Variants in SLC39A12 observed in about 807,000 individuals in gnomAD.
SLC39A12 encodes the protein solute carrier family 39 member 12.
In SLC39A12, 63 loss-of-function variants were observed where a neutral mutation model predicts 71.1. The ratio of observed to expected loss-of-function variants is 0.89; its 90% confidence interval spans 0.72 to 1.09. The LOEUF is 1.09. Ranked by LOEUF, SLC39A12 falls within the 50% of genes least tolerant of loss-of-function variation. The pLI is 0.00. For synonymous variants in SLC39A12, 351 were observed against 301.3 expected, an observed-to-expected ratio of 1.16 and a Z score of -1.71; for missense variants, 892 against 812.6, an observed-to-expected ratio of 1.10 and a Z score of -1.19.
At chr10:18,018,676 A>T (rs1018882463) in intron 12 of SLC39A12, among the ~76,000 whole-genome samples, 3 of 152,148 alleles carry the variant, frequency 2.0e-5, no homozygotes, top group Non-Finnish European at 4.4e-5. Context: ...GTGATGGATT[A>T]TGTTAACTGA....
chr10:18,005,678 CTAAGTA>C (rs2130851180), intron 12 of SLC39A12: 1 of 152,318 alleles, frequency 6.6e-6, no homozygotes, highest in East Asian at 1.9e-4. Context: ...GAACCCTAAG[CTAAGTA>C]TGTCATTTTC....
chr10:18,031,540 G>A (rs1836848292), intron 12 of SLC39A12, among the ~76,000 whole-genome samples: 1 of 120,932 alleles, frequency 8.3e-6, no homozygotes, highest in South Asian at 2.8e-4. Flanking sequence ...TATAGATTCT[G>A]GATATTAGCC....
intron 5 of SLC39A12, among the ~76,000 whole-genome samples, chr10:17,979,465 AT>A (rs2130806314): frequency 6.6e-6 from 1 of 152,270 alleles, no homozygotes; most frequent in African/African-American, 2.4e-5. Context: ...CCAGTCAGGC[AT>A]TTTCTGATAG....
chr10:17,955,054 A>G (rs1834505927), intron 2 of SLC39A12, among the ~76,000 whole-genome samples: 1 of 152,256 alleles, frequency 6.6e-6, no homozygotes, highest in Non-Finnish European at 1.5e-5. Context: ...AATAACCAGA[A>G]GTCATCTCTT....
chr10:17,998,580 G>C (rs924250327), intron 10 of SLC39A12, among the ~76,000 whole-genome samples: 16 of 152,114 alleles, frequency 1.1e-4, no homozygotes, highest in African/African-American at 3.9e-4. Context: ...TTGTTCTTAT[G>C]GCTGTTGCCT....
chr10:17,977,846 G>C, intron 4 of SLC39A12, 56 bp from the exon 5 acceptor site: 1 of 1,271,528 alleles, frequency 7.9e-7, no homozygotes, highest in Non-Finnish European at 1.1e-6. Flanking sequence ...GTGAAATTGT[G>C]ACTATTCGGA....
intron 2 of SLC39A12, among the ~76,000 whole-genome samples, chr10:17,958,362 T>C (rs1438457322): frequency 2.0e-5 from 3 of 152,076 alleles, no homozygotes; most frequent in Non-Finnish European, 4.4e-5. Context: ...ACAACCTGAG[T>C]AGCACTTGAA....
intron 2 of SLC39A12, among the ~76,000 whole-genome samples, chr10:17,955,180 T>C (rs1834509692): frequency 6.6e-6 from 1 of 152,160 alleles, no homozygotes; most frequent in Non-Finnish European, 1.5e-5. Context: ...ATATGCAAAA[T>C]TGTTCTCCAT....
In SLC39A12 at chr10:17,991,276, TA is replaced by T; in HGVS notation, c.1396del (p.Ile466PhefsTer31). On this transcript the variant is annotated frameshift_variant, in exon 8 of 13. Transcript: ENST00000377369. LOFTEE classifies it high-confidence loss of function. The stretch of plus-strand genomic sequence containing the variant: ...GATTTTTCTTGATAGAAAAATGTTT[TA>T]TTCTTCTTGTATCACCAAATGACAA... The part of the protein sequence containing the change: ...HGFFLIEKCF[I>X]LLVSPNDKQG... 1.9e-6 allele frequency: 3 copies of T among 1,596,540 alleles called. No homozygotes were observed. The highest frequency in any genetic ancestry group is 2.6e-6 in the Non-Finnish European group (3 of 1,174,824).
chr10:18,002,863 C>G (rs572723583), intron 11 of SLC39A12: 46 of 209,260 alleles, frequency 2.2e-4, no homozygotes, highest in African/African-American at 9.4e-4. Context: ...TGACTATTTT[C>G]CATTTATCTA....
At chr10:18,035,235 CAG>C (rs1338736947) in intron 12 of SLC39A12, among the ~76,000 whole-genome samples, 1 of 146,062 alleles carries the variant, frequency 6.8e-6, no homozygotes, top group Non-Finnish European at 1.5e-5. Flanking sequence ...TAATATCCTG[CAG>C]AGTGTTTTCC....
intron 12 of SLC39A12, among the ~76,000 whole-genome samples, chr10:18,039,378 C>T (rs1837156039): frequency 6.6e-6 from 1 of 152,114 alleles, no homozygotes. Context: ...AGGTGGTGGC[C>T]TATGTTGTCT....
At chr10:17,956,172 CCCGGGGAGAT>C (rs1834543266) in intron 2 of SLC39A12, among the ~76,000 whole-genome samples, 1 of 152,122 alleles carries the variant, frequency 6.6e-6, no homozygotes, top group South Asian at 2.1e-4. Flanking sequence ...ATGTGTGCTC[CCCGGGGAGAT>C]CTCTGCAAGG....
intron 7 of SLC39A12, 135 bp from the exon 8 acceptor site, chr10:17,991,016 T>C (rs945100261): frequency 3.5e-6 from 3 of 860,364 alleles, no homozygotes; most frequent in Non-Finnish European, 5.0e-6. Flanking sequence ...TTAGTGATTG[T>C]ATTAATAGTT....
chr10:17,977,140 A>C (rs1835130942), intron 4 of SLC39A12, among the ~76,000 whole-genome samples: 1 of 152,040 alleles, frequency 6.6e-6, no homozygotes, highest in Non-Finnish European at 1.5e-5. Context: ...CAGAATTTTC[A>C]TTTGGACATT....
intron 4 of SLC39A12, among the ~76,000 whole-genome samples, chr10:17,976,505 C>A (rs1835113125): frequency 6.6e-6 from 1 of 152,144 alleles, no homozygotes; most frequent in Admixed American, 6.5e-5. Context: ...GCAACCTCCA[C>A]CCTCTGGATT....
intron 12 of SLC39A12, among the ~76,000 whole-genome samples, chr10:18,025,753 A>G (rs1319086241): frequency 6.6e-6 from 1 of 152,168 alleles, no homozygotes; most frequent in East Asian, 1.9e-4. Context: ...TATACCCAGT[A>G]ATGGGATTGC....
chr10:17,976,849 G>C (rs549907839), intron 4 of SLC39A12, among the ~76,000 whole-genome samples: 1 of 152,280 alleles, frequency 6.6e-6, no homozygotes, highest in African/African-American at 2.4e-5. Flanking sequence ...TTTTACATCA[G>C]ATTTTGAAAG....
intron 12 of SLC39A12, among the ~76,000 whole-genome samples, chr10:18,008,199 C>T (rs924733703): frequency 2.0e-5 from 3 of 152,186 alleles, no homozygotes; most frequent in African/African-American, 7.2e-5. Flanking sequence ...AGCGAAGCTT[C>T]ATCTGTACTT....
Sources: gnomAD v4.1 joint callset for allele counts (sites outside exome capture counted in the v4.1 genomes callset) on GRCh38, gnomAD v4.1.1 for gene constraint, MANE v1.5 for transcripts, NCBI Gene and HGNC (gene_info 2026-07-23, HGNC 2026-07-21) for gene names.